PTPN3: variants seen among roughly 807,000 people sequenced by gnomAD.
PTPN3 encodes protein tyrosine phosphatase non-receptor type 3, also known as tyrosine-protein phosphatase non-receptor type 3.
A neutral mutation model predicts 132.7 loss-of-function variants in PTPN3; 96 were observed. That is an observed-to-expected ratio of 0.72 (90% CI 0.61 to 0.86). PTPN3 has a LOEUF of 0.86. Among genes scored for constraint, PTPN3 ranks in the 40% least tolerant of loss-of-function variants. PTPN3 has a pLI of 0.00. For missense variants in PTPN3, 1,125 were observed against 1,159.6 expected (o/e 0.97, Z 0.43); for synonymous variants, 398 against 429.0 (o/e 0.93, Z 0.89).
rs371392533 is a variant in PTPN3, at chr9:109,485,585, C to T, written c.-18+12634G>A. The stretch of plus-strand genomic sequence containing the variant: ...ATATATGATCCAGCCCCCAGATCCT[C>T]GCCCTCTTCTCCTGTGACTGGCAGC... On this transcript the variant is annotated intron_variant, in intron 1 of 25. Coordinates refer to ENST00000374541, the MANE Select transcript of PTPN3 (RefSeq NM_002829.4). Among the ~76,000 whole-genome samples, 18 of 152,314 alleles carry T rather than the reference C, an allele frequency of 1.2e-4. No individual in the cohort carries two copies. The East Asian group carries it at 2.3e-3, about 20-fold the overall frequency.
At position 109,404,478 on chromosome 9, in the gene PTPN3, G is replaced by A. The variant is rs1431201989; in HGVS notation, c.1923C>T (p.Leu641=). The A allele has an allele frequency of 2.6e-5, 39 of 1,525,326 alleles. No homozygotes were observed. Among genetic ancestry groups the A allele is most frequent in the Non-Finnish European group, 3.1e-5 (35 of 1,122,326 alleles). 94.5% of individuals were successfully genotyped at this position (1,525,326 alleles called of 1,614,324 possible). A position where few individuals can be genotyped will look rare whatever the true frequency, so the allele number is the denominator to read the frequency against. ...ACTGGATCAGCACCGTCCCGCTTTC[G>A]AGGCCCTTCTTTAGCTGTGCCATGG... ...EGSMAQLKKG[L]ESGTVLIQFE... The change falls in exon 19 of 26, where the codon CTC becomes CTT. Residue 641 remains leucine, a synonymous_variant. Coordinates refer to ENST00000374541, the MANE Select transcript of PTPN3 (RefSeq NM_002829.4).
In PTPN3 at chr9:109,420,118, G is replaced by A. The variant is rs112507405; in HGVS notation, c.1313+306C>T. Among the ~76,000 whole-genome samples the A allele has an allele frequency of 1.8e-3, 267 of 152,332 alleles. 1 individual carries two copies. The highest frequency in any genetic ancestry group is 6.2e-3 in the African/African-American group (258 of 41,564). ...AGTCTGTACCTCCAGAACAGGGAATGATTAAACTGGGCTTTGCTTGTGAGC... is the reference window on the plus strand; with the variant it reads ...AGTCTGTACCTCCAGAACAGGGAATAATTAAACTGGGCTTTGCTTGTGAGC... On this transcript the variant is annotated intron_variant, in intron 14 of 25. Transcript: ENST00000374541.
At chr9:109,481,091 C>T (rs1291472810) in intron 1 of PTPN3, among the ~76,000 whole-genome samples, 2 of 152,188 alleles carry the variant, frequency 1.3e-5, no homozygotes, top group Non-Finnish European at 2.9e-5. Flanking sequence ...CATTTACACA[C>T]TCCTAATATT....
chr9:109,527,912 C>T, the PTPN3 span, among the ~76,000 whole-genome samples: 12 of 152,258 alleles, frequency 7.9e-5, no homozygotes, highest in Non-Finnish European at 4.4e-5. Context: ...TCTTACAAAT[C>T]ATTAGGAATA....
chr9:109,479,737 G>A (rs376187940), intron 1 of PTPN3, among the ~76,000 whole-genome samples: 171 of 152,210 alleles, frequency 1.1e-3, no homozygotes, highest in African/African-American at 4.0e-3. Context: ...GTGCCACCAC[G>A]CCCAGCTAAG....
the PTPN3 span, among the ~76,000 whole-genome samples, chr9:109,509,682 A>G: frequency 7.2e-5 from 11 of 152,220 alleles, no homozygotes; most frequent in Admixed American, 7.2e-4. Context: ...GTTCAGTGAT[A>G]TTTTAAAAAT....
chr9:109,430,841 G>T (rs1843614417), intron 10 of PTPN3, among the ~76,000 whole-genome samples: 1 of 152,172 alleles, frequency 6.6e-6, no homozygotes, highest in African/African-American at 2.4e-5. Context: ...GCCAGCTCCA[G>T]CCTGGCCTGT....
At chr9:109,424,726 C>G (rs1287040603) in intron 12 of PTPN3, among the ~76,000 whole-genome samples, 1 of 152,234 alleles carries the variant, frequency 6.6e-6, no homozygotes, top group Non-Finnish European at 1.5e-5. Flanking sequence ...AAATCCCTAT[C>G]TACACCACAC....
intron 25 of PTPN3, among the ~76,000 whole-genome samples, chr9:109,380,540 G>A (rs1420294950): frequency 6.6e-6 from 1 of 152,230 alleles, no homozygotes; most frequent in Non-Finnish European, 1.5e-5. Flanking sequence ...ATAGGCGTGA[G>A]CCACCGTGCC....
intron 1 of PTPN3, among the ~76,000 whole-genome samples, chr9:109,471,219 A>G (rs976306827): frequency 2.6e-5 from 4 of 152,070 alleles, no homozygotes; most frequent in Non-Finnish European, 5.9e-5. Context: ...ACCACGCCCA[A>G]CTAATTTTTG....
intron 10 of PTPN3, 100 bp downstream of exon 10, chr9:109,432,973 T>C: frequency 6.7e-7 from 1 of 1,497,718 alleles, no homozygotes; most frequent in Admixed American, 2.1e-5. Context: ...TCTCTATCTT[T>C]TCTTTAGAAA....
At chr9:109,470,682 C>T (rs538541284) in intron 1 of PTPN3, among the ~76,000 whole-genome samples, 11 of 133,692 alleles carry the variant, frequency 8.2e-5, no homozygotes, top group Non-Finnish European at 1.3e-4. Context: ...GGCAACAGAG[C>T]GAGACCTCAT....
intron 17 of PTPN3, among the ~76,000 whole-genome samples, chr9:109,407,112 CAG>C (rs1841630790): frequency 1.3e-5 from 2 of 152,148 alleles, no homozygotes; most frequent in South Asian, 4.1e-4. Context: ...AAACTGTAAA[CAG>C]TAACAAAAGT....
At chr9:109,496,503 G>A (rs1409166534) in intron 1 of PTPN3, among the ~76,000 whole-genome samples, 1 of 152,244 alleles carries the variant, frequency 6.6e-6, no homozygotes, top group Non-Finnish European at 1.5e-5. Context: ...TGGCTGCTCA[G>A]AGCCTCCATG....
chr9:109,422,549 C>T lies in PTPN3; in HGVS notation c.1136+169G>A, dbSNP rs182325067. On this transcript the variant is annotated intron_variant, in intron 13 of 25. Coordinates refer to ENST00000374541, the MANE Select transcript of PTPN3 (RefSeq NM_002829.4). Reference sequence around the variant, plus strand: ...TCTCAGCATTATACACGATGGAAAACATTTAGCTAGACTTGTGTACTTCAT... The same window carrying T: ...TCTCAGCATTATACACGATGGAAAATATTTAGCTAGACTTGTGTACTTCAT... 1.9e-3 allele frequency among the ~76,000 whole-genome samples: 292 copies of T among 152,232 alleles called. 6 individuals carry two copies. Among genetic ancestry groups the T allele is most frequent in the Middle Eastern group, 6.8e-3 (2 of 294 alleles).
intron 13 of PTPN3, 48 bp downstream of exon 13, chr9:109,422,668 TAA>T: frequency 6.7e-7 from 1 of 1,497,056 alleles, no homozygotes; most frequent in East Asian, 2.3e-5. Flanking sequence ...TTAAAAGAGA[TAA>T]AGTGTCTACT....
At chr9:109,379,677 A>G (rs752894586) in intron 25 of PTPN3, 44 bp from the exon 26 acceptor site, 33 of 1,508,156 alleles carry the variant, frequency 2.2e-5, no homozygotes, top group Admixed American at 1.7e-4. Context: ...GCTCCAGGAA[A>G]TGCTGCCTAC....
intron 1 of PTPN3, 48 bp from the exon 2 acceptor site, chr9:109,463,499 G>A: frequency 6.5e-7 from 1 of 1,547,852 alleles, no homozygotes; most frequent in Admixed American, 1.9e-5. Flanking sequence ...CGAATTGTCA[G>A]TTACTTGTGA....
At chr9:109,381,852 G>A (rs1223267206) in intron 24 of PTPN3, 65 bp from the exon 25 acceptor site, 1 of 1,584,704 alleles carries the variant, frequency 6.3e-7, no homozygotes, top group Non-Finnish European at 8.7e-7. Flanking sequence ...GGCCCAGCGA[G>A]CAGTTCCCCG....
Sources: allele counts gnomAD v4.1 joint callset (sites outside exome capture counted in the v4.1 genomes callset), GRCh38; gene constraint gnomAD v4.1.1; transcripts MANE v1.5; gene names NCBI Gene and HGNC (gene_info 2026-07-23, HGNC 2026-07-21).